The following TANGO6 variants were observed in gnomAD, a reference collection of about 807,000 sequenced individuals.
TANGO6 encodes the protein transport and golgi organization 6 homolog.
Under a neutral mutation model 114.2 loss-of-function variants are expected in TANGO6, and 90 were observed. The ratio of observed to expected loss-of-function variants is 0.79; its 90% CI spans 0.66 to 0.94. The LOEUF is 0.94. TANGO6 is among the 40% of genes least tolerant of loss of function. The pLI, the probability that TANGO6 is intolerant of heterozygous loss-of-function variation, is 0.00. For missense variants in TANGO6, 1,274 were observed against 1,315.3 expected (o/e 0.97, Z 0.49); for synonymous variants, 477 against 509.8 (o/e 0.94, Z 0.87).
At chr16:69,043,411 C>G (rs1959803922) in intron 17 of TANGO6, among the ~76,000 whole-genome samples, 1 of 151,722 alleles carries the variant, frequency 6.6e-6, no homozygotes, top group South Asian at 2.1e-4. Context: ...CCAATGAAAC[C>G]AACACCGCTT....
chr16:69,038,965 C>G (rs1004468774), intron 16 of TANGO6, among the ~76,000 whole-genome samples: 2 of 152,130 alleles, frequency 1.3e-5, no homozygotes, highest in Admixed American at 1.3e-4. Flanking sequence ...GGGCAGATCA[C>G]AATGTCAGGA....
At chr16:68,846,281 C>T (rs1048564693) in intron 1 of TANGO6, among the ~76,000 whole-genome samples, 10 of 152,122 alleles carry the variant, frequency 6.6e-5, no homozygotes, top group African/African-American at 2.4e-4. Context: ...CTGCCTTGAC[C>T]TCCCAGAGTA....
rs1398498621 is a variant in TANGO6, at chr16:68,930,135, A to G, written c.2644-103A>G. 4 of 976,116 alleles carry G rather than the reference A, an allele frequency of 4.1e-6. No homozygotes were observed. In the Admixed American group the frequency reaches 6.8e-5, roughly 17 times the overall value. The allele number at this position is 976,116 out of a possible 1,614,324, so 60.5% of individuals were successfully genotyped here. A position where few individuals can be genotyped will look rare whatever the true frequency, so the allele number is the denominator to read the frequency against. On this transcript the variant is annotated intron_variant, in intron 13 of 17. Transcript: ENST00000261778. The stretch of plus-strand genomic sequence containing the variant: ...TCAGACCAGTTTCTACCCAAGAAAA[A>G]CAAGAAGCGAAGCATTTACTCCTTT...
At chr16:69,010,886 T>C (rs2152224052) in intron 15 of TANGO6, among the ~76,000 whole-genome samples, 1 of 152,368 alleles carries the variant, frequency 6.6e-6, no homozygotes, top group African/African-American at 2.4e-5. Context: ...TAAATTCTGA[T>C]ATATTTTCAG....
At chr16:69,047,041 C>T (rs1488332550) in intron 17 of TANGO6, among the ~76,000 whole-genome samples, 1 of 150,684 alleles carries the variant, frequency 6.6e-6, no homozygotes, top group East Asian at 2.0e-4. Flanking sequence ...ATTAGCTGGG[C>T]GTGGTGGTCC....
chr16:68,882,748 A>G (rs768533846), intron 7 of TANGO6, among the ~76,000 whole-genome samples: 1 of 151,748 alleles, frequency 6.6e-6, no homozygotes, highest in Non-Finnish European at 1.5e-5. Flanking sequence ...ACTTGGCACG[A>G]TGGCTCATGC....
chr16:68,930,215 A>G (rs1283089901), intron 13 of TANGO6, 23 bp from the exon 14 acceptor site: 1 of 1,547,582 alleles, frequency 6.5e-7, no homozygotes, highest in Non-Finnish European at 8.7e-7. Flanking sequence ...AAATCTTATC[A>G]CTGCTGTATT....
intron 15 of TANGO6, among the ~76,000 whole-genome samples, chr16:69,002,612 C>A (rs1327633859): frequency 6.6e-6 from 1 of 152,134 alleles, no homozygotes; most frequent in African/African-American, 2.4e-5. Flanking sequence ...CTGGGGCCTC[C>A]CCAGCCTGCA....
At chr16:69,018,144 T>TC (rs1042001807) in intron 15 of TANGO6, among the ~76,000 whole-genome samples, 9 of 132,778 alleles carry the variant, frequency 6.8e-5, no homozygotes, top group African/African-American at 2.3e-4. Context: ...AATCTCTTTT[T>TC]TTTTTTTTTT....
intron 15 of TANGO6, among the ~76,000 whole-genome samples, chr16:68,982,232 G>A (rs1963842791): frequency 6.6e-6 from 1 of 152,152 alleles, no homozygotes; most frequent in South Asian, 2.1e-4. Context: ...GTTGTTCACT[G>A]CTGTATAAAC....
At chr16:68,906,180 CAAATAAAT>C (rs34156088) in intron 9 of TANGO6, among the ~76,000 whole-genome samples, 2 of 151,938 alleles carry the variant, frequency 1.3e-5, no homozygotes, top group Admixed American at 6.6e-5. Context: ...GATTCTATCT[CAAATAAAT>C]AAATAAATAA....
In TANGO6 at chr16:68,907,456, G is replaced by A; in HGVS notation, c.1681G>A (p.Asp561Asn). The change falls in exon 10 of 18, where the codon GAT (aspartate) becomes AAT (asparagine). Residue 561 changes from aspartate (D) to asparagine (N), a missense_variant. Physicochemically the swap from Asp to Asn is conservative, Grantham distance 23. Around this residue, in one of 5 missense-constraint regions of TANGO6, gnomAD observed 908 missense variants for 910.2 expected, o/e 1.00. Transcript: ENST00000261778. Reference sequence around the variant, plus strand: ...CCTGCATTGCAGTGATGAAGATGAAGATGAAGCCCTGTACCAGAAGGTATC... The same window carrying A: ...CCTGCATTGCAGTGATGAAGATGAAAATGAAGCCCTGTACCAGAAGGTATC... ...IKEAISDEDE[D>N]EALYQKVSSE... 6.2e-7 allele frequency: 1 copy of A among 1,601,506 alleles called. No homozygotes were observed. Among genetic ancestry groups the A allele is most frequent in the Non-Finnish European group, 8.5e-7 (1 of 1,176,652 alleles).
chr16:69,054,655 C>T (rs1276141310), intron 17 of TANGO6, among the ~76,000 whole-genome samples: 1 of 151,858 alleles, frequency 6.6e-6, no homozygotes. Context: ...TGTTGCTGGC[C>T]GGGCGTGGTG....
intron 7 of TANGO6, among the ~76,000 whole-genome samples, chr16:68,890,137 TTTCAGTGTTAGGA>T (rs1350728542): frequency 1.3e-5 from 2 of 152,188 alleles, no homozygotes; most frequent in Admixed American, 6.5e-5. Context: ...CTGTACTGAA[TTTCAGTGTTAGGA>T]TTCAGTCAGC....
At chr16:68,976,858 A>G (rs1353880093) in intron 15 of TANGO6, among the ~76,000 whole-genome samples, 1 of 152,168 alleles carries the variant, frequency 6.6e-6, no homozygotes, top group Non-Finnish European at 1.5e-5. Context: ...CACTTCTTTT[A>G]TTCTTTAAGT....
intron 15 of TANGO6, among the ~76,000 whole-genome samples, chr16:68,976,361 A>T (rs757391894): frequency 2.6e-5 from 4 of 152,256 alleles, no homozygotes; most frequent in Non-Finnish European, 5.9e-5. Context: ...CGCAAAAAAG[A>T]TTTAAACATT....
intron 17 of TANGO6, among the ~76,000 whole-genome samples, chr16:69,058,266 C>G (rs962059032): frequency 6.6e-6 from 1 of 152,154 alleles, no homozygotes; most frequent in Non-Finnish European, 1.5e-5. Context: ...ATTGTTTGCT[C>G]ATAGCAAATC....
At chr16:68,923,994 C>T (rs1374175453) in intron 12 of TANGO6, among the ~76,000 whole-genome samples, 1 of 152,184 alleles carries the variant, frequency 6.6e-6, no homozygotes, top group Non-Finnish European at 1.5e-5. Context: ...TTTTCACAGG[C>T]TTTCACTTGA....
rs766093392 is a variant in TANGO6, at chr16:68,859,880, A to G, written c.95-4A>G. The G allele has an allele frequency of 3.9e-6, 6 of 1,545,832 alleles. No homozygotes were observed. In the East Asian group the frequency reaches 6.8e-5, roughly 17 times the overall value. On this transcript the variant is annotated splice_polypyrimidine_tract_variant and splice_region_variant and intron_variant, in intron 1 of 17. Coordinates refer to ENST00000261778, the MANE Select transcript of TANGO6 (RefSeq NM_024562.2). ...TAAACTCTCCTTTTTTTCTTCTTCAAAAGGCTCGGGCTCAAGTTCACTACA... is the reference window on the plus strand; with the variant it reads ...TAAACTCTCCTTTTTTTCTTCTTCAGAAGGCTCGGGCTCAAGTTCACTACA...
Sources: gnomAD v4.1 joint callset for allele counts (sites outside exome capture counted in the v4.1 genomes callset) on GRCh38, gnomAD v4.1.1 for gene constraint, gnomAD v4.1.1 regional missense constraint, MANE v1.5 for transcripts, NCBI Gene and HGNC (gene_info 2026-07-23, HGNC 2026-07-21) for gene names.